Variants in RALGPS1 observed in about 807,000 individuals in gnomAD.
RALGPS1 encodes the protein ras-specific guanine nucleotide-releasing factor RalGPS1.
A neutral mutation model predicts 78.8 loss-of-function variants in RALGPS1; 19 were observed. The ratio of observed to expected loss-of-function variants is 0.24; its 90% CI spans 0.17 to 0.35. The LOEUF (loss-of-function observed/expected upper bound fraction) is 0.35, where lower values mean the gene tolerates loss of function less well. Ranked by LOEUF, RALGPS1 falls within the 10% of genes least tolerant of loss-of-function variation. The pLI is 1.00. For synonymous variants in RALGPS1, 228 were observed against 256.3 expected, an observed-to-expected ratio of 0.89 and a Z score of 1.06; for missense variants, 454 against 688.3, an observed-to-expected ratio of 0.66 and a Z score of 3.81.
At chr9:127,078,332 A>G (rs973928651) in intron 8 of RALGPS1, among the ~76,000 whole-genome samples, 2 of 152,148 alleles carry the variant, frequency 1.3e-5, no homozygotes, top group Non-Finnish European at 2.9e-5. Context: ...GGGACTCTGT[A>G]GTCTTTCTCA....
At chr9:127,145,192 T>C (rs957518830) in intron 8 of RALGPS1, among the ~76,000 whole-genome samples, 1 of 152,182 alleles carries the variant, frequency 6.6e-6, no homozygotes, top group Non-Finnish European at 1.5e-5. Flanking sequence ...TTTCAGTGTC[T>C]ACAAGAGGAC....
At chr9:127,048,193 C>T (rs2047983745) in intron 5 of RALGPS1, among the ~76,000 whole-genome samples, 1 of 152,100 alleles carries the variant, frequency 6.6e-6, no homozygotes, top group Non-Finnish European at 1.5e-5. Context: ...TTCTCCCTCC[C>T]CACCCTCATC....
At chr9:127,150,295 C>T (rs1399955398) in intron 8 of RALGPS1, among the ~76,000 whole-genome samples, 1 of 152,242 alleles carries the variant, frequency 6.6e-6, no homozygotes, top group African/African-American at 2.4e-5. Context: ...CCCAGTGCCC[C>T]TGTTTGTGGG....
chr9:127,030,402 A>G (rs1281010056), intron 4 of RALGPS1, among the ~76,000 whole-genome samples: 2 of 152,216 alleles, frequency 1.3e-5, no homozygotes, highest in African/African-American at 4.8e-5. Flanking sequence ...TGGGGAGACA[A>G]CAGGAGAACA....
At chr9:127,085,630 A>G (rs1356381193) in intron 8 of RALGPS1, among the ~76,000 whole-genome samples, 1 of 152,000 alleles carries the variant, frequency 6.6e-6, no homozygotes, top group African/African-American at 2.4e-5. Context: ...GGGTATTGAG[A>G]TGGGGTTTGG....
chr9:126,934,420 C>T (rs1001075287), intron 1 of RALGPS1, among the ~76,000 whole-genome samples: 18 of 152,264 alleles, frequency 1.2e-4, no homozygotes, highest in African/African-American at 4.3e-4. Flanking sequence ...GTGAAATGTG[C>T]CATTTTGAGT....
chr9:127,090,637 G>A (rs2052355509), intron 8 of RALGPS1, among the ~76,000 whole-genome samples: 1 of 152,256 alleles, frequency 6.6e-6, no homozygotes, highest in Non-Finnish European at 1.5e-5. Flanking sequence ...CAGGCCATTT[G>A]TAGGACAGTC....
intron 8 of RALGPS1, among the ~76,000 whole-genome samples, chr9:127,154,280 C>T (rs1254135444): frequency 6.6e-6 from 1 of 152,248 alleles, no homozygotes; most frequent in Non-Finnish European, 1.5e-5. Flanking sequence ...AGGCCAAGTG[C>T]CTTGTGTCCA....
At chr9:126,940,309 ATGAT>A (rs900170614) in intron 1 of RALGPS1, among the ~76,000 whole-genome samples, 1 of 152,086 alleles carries the variant, frequency 6.6e-6, no homozygotes, top group Admixed American at 6.6e-5. Context: ...TTATAAACCT[ATGAT>A]TGAAAGTCCA....
chr9:127,105,595 TC>T (rs934307413), intron 8 of RALGPS1, among the ~76,000 whole-genome samples: 2 of 152,060 alleles, frequency 1.3e-5, no homozygotes, highest in African/African-American at 4.8e-5. Flanking sequence ...CACCTTACTG[TC>T]CCCCAGGGCA....
At chr9:127,028,741 A>C (rs1478797475) in intron 4 of RALGPS1, among the ~76,000 whole-genome samples, 3 of 152,246 alleles carry the variant, frequency 2.0e-5, no homozygotes, top group Non-Finnish European at 2.9e-5. Context: ...CTTTGCAAAT[A>C]TCGGCCCATT....
At chr9:126,969,182 T>C (rs2039848980) in intron 3 of RALGPS1, among the ~76,000 whole-genome samples, 1 of 152,256 alleles carries the variant, frequency 6.6e-6, no homozygotes, top group South Asian at 2.1e-4. Flanking sequence ...ATAAAATTAT[T>C]GAAATACTTT....
chr9:127,078,088 T>C (rs1299564885), intron 8 of RALGPS1, among the ~76,000 whole-genome samples: 1 of 151,934 alleles, frequency 6.6e-6, no homozygotes, highest in Non-Finnish European at 1.5e-5. Flanking sequence ...TTCAACCCTC[T>C]CTGGGATCCA....
chr9:126,980,752 G>A (rs1049328724), intron 4 of RALGPS1, among the ~76,000 whole-genome samples: 2 of 152,164 alleles, frequency 1.3e-5, no homozygotes, highest in Non-Finnish European at 2.9e-5. Context: ...GCCAGTACCT[G>A]AACCAGGCCT....
At chr9:127,140,794 G>A (rs146370963) in intron 8 of RALGPS1, among the ~76,000 whole-genome samples, 464 of 152,344 alleles carry the variant, frequency 3.0e-3, no homozygotes, top group Non-Finnish European at 5.7e-3. Context: ...GCATGGGGCA[G>A]CCATGGAGTC....
At chr9:127,005,287 C>T (rs2043730963) in intron 4 of RALGPS1, among the ~76,000 whole-genome samples, 1 of 152,236 alleles carries the variant, frequency 6.6e-6, no homozygotes, top group Non-Finnish European at 1.5e-5. Flanking sequence ...TGCAAACCCT[C>T]TGAGAAATTT....
chr9:127,046,266 G>A (rs990991066), intron 5 of RALGPS1, among the ~76,000 whole-genome samples: 1 of 152,178 alleles, frequency 6.6e-6, no homozygotes, highest in Non-Finnish European at 1.5e-5. Flanking sequence ...AAGGTAGAAT[G>A]TAACTTCCCA....
chr9:127,166,316 A>C, intron 9 of RALGPS1, 110 bp downstream of exon 9: 2 of 1,346,544 alleles, frequency 1.5e-6, no homozygotes, highest in Non-Finnish European at 2.1e-6. Context: ...TCCTCATTTT[A>C]ATATATCGAG....
chr9:127,117,110 C>G (rs1284823292), intron 8 of RALGPS1, among the ~76,000 whole-genome samples: 3 of 152,246 alleles, frequency 2.0e-5, no homozygotes, highest in African/African-American at 7.2e-5. Flanking sequence ...ATGTGCTGTG[C>G]TTCCTGCCTC....
Sources: gnomAD v4.1 joint callset for allele counts (sites outside exome capture counted in the v4.1 genomes callset) on GRCh38, gnomAD v4.1.1 for gene constraint, MANE v1.5 for transcripts, NCBI Gene and HGNC (gene_info 2026-07-23, HGNC 2026-07-21) for gene names.